The following TBC1D14 variants were observed in gnomAD, a reference collection of about 807,000 sequenced individuals.
TBC1D14 encodes TBC1 domain family, member 14.
A neutral mutation model predicts 79.0 loss-of-function variants in TBC1D14; 26 were observed. That is an observed-to-expected ratio of 0.33 (90% confidence interval 0.24 to 0.46). TBC1D14 has a LOEUF of 0.46. TBC1D14 is among the 20% of genes least tolerant of loss of function. The probability of loss-of-function intolerance (pLI) is 1.00; values close to 1 mark genes in which losing one functional copy is unlikely to be tolerated. For missense variants in TBC1D14, 769 were observed against 887.6 expected (o/e 0.87, Z 1.70); for synonymous variants, 394 against 349.9 (o/e 1.13, Z -1.40).
chr4:7,015,693 G>C (rs1176362939), intron 12 of TBC1D14, among the ~76,000 whole-genome samples: 1 of 152,102 alleles, frequency 6.6e-6, no homozygotes, highest in Non-Finnish European at 1.5e-5. Context: ...CACATGGTGG[G>C]AAGAGGGTGC....
At chr4:6,937,196 C>T (rs187110945) in intron 2 of TBC1D14, among the ~76,000 whole-genome samples, 14 of 152,314 alleles carry the variant, frequency 9.2e-5, no homozygotes, top group Admixed American at 2.0e-4. Context: ...GGATTACAGG[C>T]GTGAGCCACC....
chr4:6,981,156 C>T (rs1717345153), intron 3 of TBC1D14, among the ~76,000 whole-genome samples: 1 of 151,844 alleles, frequency 6.6e-6, no homozygotes, highest in Admixed American at 6.6e-5. Context: ...ACCCGAGTAG[C>T]TGGGATTACA....
Position 7,001,836 on chromosome 4 carries a change from A to C in TBC1D14, c.1270+585A>C, listed in dbSNP as rs183677516. ...GTCCTGAGCACTCTGAAGCGCGTCC[A>C]GAGTGAAATAGGTGCCAGGAGCCCG... On this transcript the variant is annotated intron_variant, in intron 7 of 13. Coordinates refer to ENST00000409757, the MANE Select transcript of TBC1D14 (RefSeq NM_020773.3). Among the ~76,000 whole-genome samples the C allele has an allele frequency of 2.0e-3, 311 of 152,284 alleles. 1 individual carries two copies. The highest frequency in any genetic ancestry group is 3.9e-3 in the Non-Finnish European group (267 of 68,020).
chr4:6,934,162 C>T (rs1712069373), intron 2 of TBC1D14, among the ~76,000 whole-genome samples: 1 of 151,908 alleles, frequency 6.6e-6, no homozygotes, highest in Admixed American at 6.6e-5. Flanking sequence ...GGTTTGAAAC[C>T]AGGTGAGGTC....
intron 11 of TBC1D14, 100 bp downstream of exon 11, chr4:7,010,881 T>C: frequency 1.4e-6 from 2 of 1,418,246 alleles, no homozygotes; most frequent in Non-Finnish European, 1.9e-6. Flanking sequence ...ATACATTTTC[T>C]CTCTGTGAAG....
chr4:6,914,340 T>G (rs1168280162), intron 1 of TBC1D14, among the ~76,000 whole-genome samples: 1 of 152,232 alleles, frequency 6.6e-6, no homozygotes, highest in Non-Finnish European at 1.5e-5. Context: ...AAGTTGCCAC[T>G]CACCCTCTGG....
chr4:7,017,268 C>G (rs1454156738), intron 12 of TBC1D14, among the ~76,000 whole-genome samples: 1 of 152,222 alleles, frequency 6.6e-6, no homozygotes, highest in African/African-American at 2.4e-5. Flanking sequence ...CCACTGCACT[C>G]TAGCCTGGGT....
At chr4:7,010,427 G>C (rs547679207) in intron 10 of TBC1D14, among the ~76,000 whole-genome samples, 1 of 152,056 alleles carries the variant, frequency 6.6e-6, no homozygotes, top group East Asian at 1.9e-4. Flanking sequence ...TTCCATTTGC[G>C]GGGTGGGAGC....
At chr4:7,006,091 G>C (rs1048881116) in intron 8 of TBC1D14, among the ~76,000 whole-genome samples, 2 of 152,124 alleles carry the variant, frequency 1.3e-5, no homozygotes, top group African/African-American at 4.8e-5. Context: ...TGTAATCCTA[G>C]CACTTTGGGA....
At chr4:6,969,613 G>C (rs897444771) in intron 3 of TBC1D14, among the ~76,000 whole-genome samples, 1 of 152,004 alleles carries the variant, frequency 6.6e-6, no homozygotes, top group African/African-American at 2.4e-5. Context: ...CAACATGTTA[G>C]CCAGGATGGT....
rs1245936702 is a variant in TBC1D14, at chr4:6,999,204, T to C, written c.1163+2T>C. ...GATCTTACCTAACTGGGAAACAATG[T>C]AAGATGTGGCTCTGGGTGTGGCTGA... On this transcript the variant is annotated splice_donor_variant, in intron 6 of 13. Transcript: ENST00000409757. LOFTEE classifies it high-confidence loss of function. 1 of 1,612,122 alleles carries C rather than the reference T, an allele frequency of 6.2e-7. No individual in the cohort carries two copies. The highest frequency in any genetic ancestry group is 8.5e-7 in the Non-Finnish European group (1 of 1,178,380).
At chr4:7,010,388 T>G (rs1316196057) in intron 10 of TBC1D14, among the ~76,000 whole-genome samples, 1 of 151,942 alleles carries the variant, frequency 6.6e-6, no homozygotes, top group African/African-American at 2.4e-5. Context: ...TTTCAGATGC[T>G]CTGGGCCTAA....
chr4:6,914,932 A>G (rs1247005996), intron 1 of TBC1D14, among the ~76,000 whole-genome samples: 1 of 152,058 alleles, frequency 6.6e-6, no homozygotes, highest in African/African-American at 2.4e-5. Context: ...CCAGCTACTC[A>G]GGAGGCTGAG....
At chr4:6,913,345 G>A (rs1723148948) in intron 1 of TBC1D14, among the ~76,000 whole-genome samples, 1 of 152,212 alleles carries the variant, frequency 6.6e-6, no homozygotes, top group Non-Finnish European at 1.5e-5. Flanking sequence ...ACATAGAAGT[G>A]TAAGAATGGT....
chr4:7,017,535 C>T (rs6446561), intron 12 of TBC1D14, among the ~76,000 whole-genome samples: 1 of 152,066 alleles, frequency 6.6e-6, no homozygotes. Context: ...AGTGTAGAAC[C>T]TGGGTTGGAC....
intron 3 of TBC1D14, among the ~76,000 whole-genome samples, chr4:6,969,457 G>A (rs939369790): frequency 6.6e-6 from 1 of 151,768 alleles, no homozygotes; most frequent in Non-Finnish European, 1.5e-5. Flanking sequence ...CCAGGCTGGA[G>A]TGCAGTGGTG....
At chr4:7,019,174 A>ACCACCC (rs1721570706) in intron 12 of TBC1D14, among the ~76,000 whole-genome samples, 2 of 151,976 alleles carry the variant, frequency 1.3e-5, no homozygotes, top group Non-Finnish European at 2.9e-5. Context: ...GGCGCCCGCC[A>ACCACCC]CCACCCCCAG....
intron 3 of TBC1D14, among the ~76,000 whole-genome samples, chr4:6,979,911 A>G (rs1244916699): frequency 2.6e-5 from 4 of 152,226 alleles, no homozygotes; most frequent in African/African-American, 9.6e-5. Flanking sequence ...AAATACATGA[A>G]GCAAAGTCTA....
chr4:6,954,312 C>T, intron 2 of TBC1D14: 3 of 717,520 alleles, frequency 4.2e-6, no homozygotes, highest in Middle Eastern at 4.6e-4. Flanking sequence ...TGATGGCCAT[C>T]TCCCCTGCGC....
Sources: allele counts gnomAD v4.1 joint callset (sites outside exome capture counted in the v4.1 genomes callset), GRCh38; gene constraint gnomAD v4.1.1; transcripts MANE v1.5; gene names NCBI Gene and HGNC (gene_info 2026-07-23, HGNC 2026-07-21).